The following SIL1 variants were observed in gnomAD, a reference collection of about 807,000 sequenced individuals.
SIL1 encodes SIL1 nucleotide exchange factor, also known as nucleotide exchange factor SIL1.
A neutral mutation model predicts 49.1 loss-of-function variants in SIL1; 40 were observed. That is an observed-to-expected ratio of 0.81 (90% CI 0.63 to 1.06). The LOEUF (loss-of-function observed/expected upper bound fraction) is 1.06, where lower values mean the gene tolerates loss of function less well. Among genes scored for constraint, SIL1 ranks in the 50% least tolerant of loss-of-function variants. SIL1 has a pLI of 0.00. For synonymous variants in SIL1, 253 were observed against 250.8 expected, an observed-to-expected ratio of 1.01 and a Z score of -0.08; for missense variants, 500 against 572.6, an observed-to-expected ratio of 0.87 and a Z score of 1.29.
At chr5:139,031,945 T>C (rs1382655911) in intron 5 of SIL1, among the ~76,000 whole-genome samples, 1 of 152,236 alleles carries the variant, frequency 6.6e-6, no homozygotes, top group Non-Finnish European at 1.5e-5. Context: ...GAAATACAAT[T>C]GATTTGCATT....
chr5:138,949,343 C>T (rs1766710269), intron 9 of SIL1, among the ~76,000 whole-genome samples: 1 of 152,178 alleles, frequency 6.6e-6, no homozygotes, highest in East Asian at 1.9e-4. Context: ...CAGACCCCAG[C>T]ACCCTGATGG....
At chr5:139,189,128 G>A (rs1752124612) in intron 1 of SIL1, among the ~76,000 whole-genome samples, 1 of 152,162 alleles carries the variant, frequency 6.6e-6, no homozygotes, top group Non-Finnish European at 1.5e-5. Context: ...AACTATTGTT[G>A]TCAATAATGA....
chr5:139,065,775 C>T (rs185435182), intron 3 of SIL1, among the ~76,000 whole-genome samples: 1 of 152,322 alleles, frequency 6.6e-6, no homozygotes, highest in East Asian at 1.9e-4. Context: ...ATGAGAAACA[C>T]TCTACCCACT....
intron 1 of SIL1, chr5:139,128,122 A>G (rs1750791204): frequency 2.2e-6 from 1 of 451,758 alleles, no homozygotes; most frequent in Non-Finnish European, 4.3e-6. Context: ...TTCCTTCTTC[A>G]TTAGAACTTG....
intron 3 of SIL1, among the ~76,000 whole-genome samples, chr5:139,100,337 T>C (rs1770559149): frequency 6.6e-6 from 1 of 152,086 alleles, no homozygotes; most frequent in Non-Finnish European, 1.5e-5. Flanking sequence ...TGTGACAGCC[T>C]GATGTGTTTA....
At chr5:139,035,030 C>T (rs1768870927) in intron 5 of SIL1, 3 of 185,534 alleles carry the variant, frequency 1.6e-5, no homozygotes, top group Non-Finnish European at 3.3e-5. Flanking sequence ...TGATGTTGAG[C>T]TTTTTTTCAT....
intron 1 of SIL1, among the ~76,000 whole-genome samples, chr5:139,136,812 GA>G (rs1053176741): frequency 5.3e-5 from 8 of 151,340 alleles, no homozygotes; most frequent in African/African-American, 1.2e-4. Flanking sequence ...TGAGAAAAGA[GA>G]AAAAAAAATT....
chr5:138,972,223 G>A (rs1373519862), intron 7 of SIL1, among the ~76,000 whole-genome samples: 1 of 152,182 alleles, frequency 6.6e-6, no homozygotes, highest in Non-Finnish European at 1.5e-5. Flanking sequence ...GGGGCCCGCC[G>A]AAAGCAGTGG....
intron 3 of SIL1, among the ~76,000 whole-genome samples, chr5:139,106,345 A>G (rs1770712250): frequency 6.6e-6 from 1 of 152,244 alleles, no homozygotes; most frequent in African/African-American, 2.4e-5. Context: ...ATGGCAGTTC[A>G]CTAGTCTTAT....
intron 5 of SIL1, among the ~76,000 whole-genome samples, chr5:139,041,861 G>C (rs35812969): frequency 0.25 from 38,554 of 151,426 alleles, 5,925 homozygotes; most frequent in Middle Eastern, 0.39. Flanking sequence ...GGACTGTAAG[G>C]AGAAGAGGGA....
intron 7 of SIL1, among the ~76,000 whole-genome samples, chr5:138,962,132 T>C (rs1767034056): frequency 6.6e-6 from 1 of 152,010 alleles, no homozygotes; most frequent in South Asian, 2.1e-4. Flanking sequence ...CTAGAAGATT[T>C]CCAACTGCCC....
At chr5:138,951,581 G>A (rs947221299) in intron 8 of SIL1, among the ~76,000 whole-genome samples, 24 of 152,246 alleles carry the variant, frequency 1.6e-4, no homozygotes, top group Admixed American at 6.5e-4. Flanking sequence ...AGGGCCCAAG[G>A]CCACAGCACA....
intron 3 of SIL1, among the ~76,000 whole-genome samples, chr5:139,068,689 A>C (rs1393432638): frequency 2.0e-5 from 3 of 150,864 alleles, no homozygotes; most frequent in Non-Finnish European, 3.0e-5. Context: ...AGAAAGCACT[A>C]TGGATTTAGA....
At chr5:139,037,959 G>A (rs527570012) in intron 5 of SIL1, among the ~76,000 whole-genome samples, 97 of 152,314 alleles carry the variant, frequency 6.4e-4, no homozygotes, top group African/African-American at 2.2e-3. Flanking sequence ...GAGTCGACGT[G>A]GTTCCTGGTG....
chr5:139,075,233 G>A (rs7724108), intron 3 of SIL1, among the ~76,000 whole-genome samples: 38,800 of 152,148 alleles, frequency 0.26, 5,970 homozygotes, highest in Middle Eastern at 0.39. Flanking sequence ...TCTGAAAGAA[G>A]AGTGTCCTAA....
At chr5:139,001,550 T>C (rs1767983641) in intron 7 of SIL1, among the ~76,000 whole-genome samples, 1 of 152,250 alleles carries the variant, frequency 6.6e-6, no homozygotes, top group South Asian at 2.1e-4. Context: ...TAAAACACTA[T>C]CTGTGTGTGT....
chr5:139,050,402 A>G (rs1309452923), intron 4 of SIL1, among the ~76,000 whole-genome samples: 1 of 152,264 alleles, frequency 6.6e-6, no homozygotes, highest in African/African-American at 2.4e-5. Flanking sequence ...CTAAAATTGA[A>G]TAATATAACC....
intron 3 of SIL1, among the ~76,000 whole-genome samples, chr5:139,052,251 G>T (rs1468577634): frequency 6.6e-6 from 1 of 152,128 alleles, no homozygotes; most frequent in African/African-American, 2.4e-5. Context: ...AAGATGCCAG[G>T]GATATCGCAC....
chr5:139,042,064 C>A (rs1769059705), intron 5 of SIL1, among the ~76,000 whole-genome samples: 2 of 152,160 alleles, frequency 1.3e-5, no homozygotes, highest in Non-Finnish European at 1.5e-5. Flanking sequence ...TCCTCTCATT[C>A]CCTTAGCTTG....
Sources: gnomAD v4.1 joint callset for allele counts (sites outside exome capture counted in the v4.1 genomes callset) on GRCh38, gnomAD v4.1.1 for gene constraint, MANE v1.5 for transcripts, NCBI Gene and HGNC (gene_info 2026-07-23, HGNC 2026-07-21) for gene names.